TENM3: variants seen among roughly 807,000 people sequenced by gnomAD.
The protein encoded by TENM3 is teneurin-3.
In TENM3, 63 loss-of-function variants were observed where a neutral mutation model predicts 255.1. The ratio of observed to expected loss-of-function variants is 0.25; its 90% CI spans 0.20 to 0.30. The LOEUF is 0.30. Ranked by LOEUF, TENM3 falls within the 10% of genes least tolerant of loss-of-function variation. TENM3 has a pLI of 1.00. For missense variants in TENM3, 2,929 were observed against 3,461.1 expected, an observed-to-expected ratio of 0.85 and a Z score of 3.86; for synonymous variants, 1,306 against 1,322.3, an observed-to-expected ratio of 0.99 and a Z score of 0.27.
intron 3 of TENM3, among the ~76,000 whole-genome samples, chr4:182,397,938 T>C (rs996961294): frequency 6.6e-6 from 1 of 152,198 alleles, no homozygotes; most frequent in Non-Finnish European, 1.5e-5. Flanking sequence ...GCAGTGGTGA[T>C]TTCATTAGGT....
the TENM3 span, among the ~76,000 whole-genome samples, chr4:181,982,772 A>T: frequency 1.3e-5 from 2 of 152,164 alleles, no homozygotes; most frequent in Admixed American, 1.3e-4. Context: ...TCTGGGGAAC[A>T]ATTTCTTTCA....
chr4:181,692,963 A>T, the TENM3 span, among the ~76,000 whole-genome samples: 615 of 152,282 alleles, frequency 4.0e-3, 27 homozygotes, highest in East Asian at 0.091. Context: ...TAGAACAGGC[A>T]CTGTGAAGGG....
chr4:182,143,401 T>C, upstream of TENM3: 1 of 166,892 alleles, frequency 6.0e-6, no homozygotes. The surrounding 1 kb of genome is among the most constrained non-coding windows in gnomAD (Gnocchi z 4.3). Flanking sequence ...AAGGCGCGGG[T>C]CATTTTCAGA....
the TENM3 span, among the ~76,000 whole-genome samples, chr4:181,859,182 G>T: frequency 1.4e-5 from 2 of 141,852 alleles, no homozygotes; most frequent in South Asian, 2.3e-4. Flanking sequence ...GGCAGAGGTT[G>T]CAGTGAGCCG....
chr4:182,586,450 A>G (rs932158625), intron 3 of TENM3, among the ~76,000 whole-genome samples: 1 of 152,208 alleles, frequency 6.6e-6, no homozygotes, highest in Non-Finnish European at 1.5e-5. Context: ...TGCTCAGTCA[A>G]AGCAGCATAA....
chr4:182,170,322 A>G (rs1752017597), intron 1 of TENM3, among the ~76,000 whole-genome samples: 1 of 152,130 alleles, frequency 6.6e-6, no homozygotes, highest in Admixed American at 6.6e-5. Context: ...TAACGTAGTT[A>G]TATTTGTATA....
At position 182,154,326 on chromosome 4, in the gene TENM3, C is replaced by A. The variant is rs190618843; in HGVS notation, c.-76+9572C>A. Among the ~76,000 whole-genome samples the A allele has an allele frequency of 6.6e-5, 10 of 152,100 alleles. No individual in the cohort carries two copies. In the East Asian group the frequency reaches 1.9e-3, roughly 29 times the overall value. ...ATAGGAAGCTTTGTGGATAAGCTGC[C>A]ACTCTTTGATGAAGGATTATACATT... On this transcript the variant is annotated intron_variant, in intron 1 of 2. Coordinates refer to the TENM3 transcript ENST00000512480.
At chr4:181,780,315 T>G in the TENM3 span, among the ~76,000 whole-genome samples, 5 of 152,280 alleles carry the variant, frequency 3.3e-5, no homozygotes, top group East Asian at 5.8e-4. Flanking sequence ...CCTGACTTTT[T>G]AATGATTGCC....
intron 3 of TENM3, chr4:182,548,924 T>C (rs964524023): frequency 1.3e-5 from 2 of 152,210 alleles, no homozygotes; most frequent in African/African-American, 4.8e-5. Flanking sequence ...ACTAGACTCT[T>C]ATTTTTATGA....
chr4:182,062,717 A>G, the TENM3 span, among the ~76,000 whole-genome samples: 3 of 152,220 alleles, frequency 2.0e-5, no homozygotes, highest in Non-Finnish European at 2.9e-5. Context: ...ACGGTTTTGC[A>G]TAGACACTTT....
In TENM3 at chr4:182,670,767, G is replaced by A. The variant is rs17260842; in HGVS notation, c.1112-2238G>A. ...GCCATAAACTGGGTCTGTGATTGCA[G>A]GTCATGTTCCGTAGTAATCTTCAAT... On this transcript the variant is annotated intron_variant, in intron 6 of 27. Transcript: ENST00000511685. Among the ~76,000 whole-genome samples, 596 of 152,166 alleles carry A rather than the reference G, an allele frequency of 3.9e-3. 3 individuals carry two copies. The highest frequency in any genetic ancestry group is 0.014 in the Middle Eastern group (4 of 294).
intron 5 of TENM3, among the ~76,000 whole-genome samples, chr4:182,638,164 C>T (rs1039888452): frequency 1.3e-5 from 2 of 152,008 alleles, no homozygotes; most frequent in Non-Finnish European, 2.9e-5. Flanking sequence ...GCAAGAATCC[C>T]ATAGTCTCTT....
the TENM3 span, among the ~76,000 whole-genome samples, chr4:181,497,760 G>A: frequency 8.6e-5 from 13 of 151,996 alleles, no homozygotes; most frequent in African/African-American, 2.2e-4. Flanking sequence ...TAATAACCCC[G>A]CAAACTACTT....
At chr4:181,960,816 A>G in the TENM3 span, among the ~76,000 whole-genome samples, 1 of 152,148 alleles carries the variant, frequency 6.6e-6, no homozygotes, top group Non-Finnish European at 1.5e-5. Flanking sequence ...TTGACCACAT[A>G]TTTTTTTAGA....
the TENM3 span, chr4:181,976,562 T>A: frequency 6.6e-6 from 1 of 152,184 alleles, no homozygotes; most frequent in Non-Finnish European, 1.5e-5. Flanking sequence ...TATTAAAGAA[T>A]TTTGCACTGA....
intron 12 of TENM3, among the ~76,000 whole-genome samples, chr4:182,704,017 A>G (rs1345322392): frequency 6.6e-6 from 1 of 152,106 alleles, no homozygotes. Context: ...AGTATAAAAC[A>G]TTGTATTATA....
chr4:182,674,768 G>A (rs1411004920), intron 7 of TENM3, among the ~76,000 whole-genome samples: 2 of 152,060 alleles, frequency 1.3e-5, no homozygotes, highest in Admixed American at 6.6e-5. Flanking sequence ...TAGAGATGTG[G>A]TTTCACCATG....
the TENM3 span, among the ~76,000 whole-genome samples, chr4:181,999,799 A>T: frequency 6.6e-6 from 1 of 152,194 alleles, no homozygotes; most frequent in Non-Finnish European, 1.5e-5. Context: ...TGCTGTATTC[A>T]GGATTTGACA....
At chr4:181,625,181 T>C in the TENM3 span, among the ~76,000 whole-genome samples, 4 of 152,164 alleles carry the variant, frequency 2.6e-5, no homozygotes, top group African/African-American at 9.7e-5. Context: ...GAGGAAGTGC[T>C]GTGTCTACCT....
Sources: allele counts gnomAD v4.1 joint callset (sites outside exome capture counted in the v4.1 genomes callset), GRCh38; gene constraint gnomAD v4.1.1; non-coding constraint Gnocchi (gnomAD v3.1); transcripts MANE v1.5; gene names NCBI Gene and HGNC (gene_info 2026-07-23, HGNC 2026-07-21).